ZSWIM7: variants seen among roughly 807,000 people sequenced by gnomAD.
ZSWIM7 encodes the protein zinc finger SWIM domain-containing protein 7.
Under a neutral mutation model 21.1 loss-of-function variants are expected in ZSWIM7, and 22 were observed. That is an observed-to-expected ratio of 1.04 (90% CI 0.74 to 1.49). The LOEUF is 1.49. Ranked by LOEUF, ZSWIM7 falls within the 40% of genes most tolerant of loss-of-function variation. The probability of loss-of-function intolerance (pLI) is 0.00; values close to 1 mark genes in which losing one functional copy is unlikely to be tolerated. For missense variants in ZSWIM7, 193 were observed against 168.0 expected, an observed-to-expected ratio of 1.15 and a Z score of -0.82; for synonymous variants, 67 against 66.5, an observed-to-expected ratio of 1.01 and a Z score of -0.04.
chr17:15,996,654 A>T (rs1345832315), intron 1 of ZSWIM7, among the ~76,000 whole-genome samples: 3 of 151,720 alleles, frequency 2.0e-5, no homozygotes, highest in Non-Finnish European at 4.4e-5. Context: ...ATAAGGTAGT[A>T]AGCCTGGGCA....
intron 1 of ZSWIM7, 44 bp downstream of exon 1, chr17:15,999,452 GGCCCGGCGGTGCCCGGATGCCCC>G: frequency 6.4e-7 from 1 of 1,569,002 alleles, no homozygotes; most frequent in South Asian, 1.1e-5. Context: ...CCTGCCTCCC[GGCCCGGCGGTGCCCGGATGCCCC>G]GCCCGCGCCC....
In ZSWIM7 at chr17:15,982,653, T is replaced by A. The variant is rs527316240; in HGVS notation, c.202-1509A>T. 9.2e-5 allele frequency among the ~76,000 whole-genome samples: 14 copies of A among 152,236 alleles called. No homozygotes were observed. In the South Asian group the frequency reaches 1.2e-3, roughly 14 times the overall value. ...GTACAGCTTTTATTAACATTTTTTT[T>A]TAATTTTTGTTTTTTGGAGACAGGA... On this transcript the variant is annotated intron_variant, in intron 3 of 4. Transcript: ENST00000399277.
Position 15,978,027 on chromosome 17 carries a change from TG to T in ZSWIM7, c.*19del, listed in dbSNP as rs1230548377. 2 of 1,571,276 alleles carry T rather than the reference TG, an allele frequency of 1.3e-6. No homozygotes were observed. The highest frequency in any genetic ancestry group is 1.7e-5 in the Admixed American group (1 of 59,772). On this transcript the variant is annotated 3_prime_UTR_variant, in exon 5 of 5. Transcript: ENST00000399277. Reference sequence around the variant, plus strand: ...TTGACAGGATTCTATTTTGAAAGAATGATGCTCAATCTGTACCTTTTATGCT... The same window carrying T: ...TTGACAGGATTCTATTTTGAAAGAATATGCTCAATCTGTACCTTTTATGCT...
At chr17:15,991,772 A>G (rs1970484767) in intron 2 of ZSWIM7, among the ~76,000 whole-genome samples, 1 of 152,144 alleles carries the variant, frequency 6.6e-6, no homozygotes, top group Non-Finnish European at 1.5e-5. Flanking sequence ...AGAGCTTGGT[A>G]TATATTCTTC....
intron 2 of ZSWIM7, among the ~76,000 whole-genome samples, chr17:15,993,218 G>A (rs1329474840): frequency 1.3e-5 from 2 of 151,578 alleles, no homozygotes; most frequent in East Asian, 3.9e-4. Flanking sequence ...GAGATGGGGG[G>A]TCTCCCTATT....
Position 15,991,840 on chromosome 17 carries a change from C to T in ZSWIM7, c.98+1917G>A, listed in dbSNP as rs1291793986. Among the ~76,000 whole-genome samples, 5 of 152,068 alleles carry T rather than the reference C, an allele frequency of 3.3e-5. No homozygotes were observed. The East Asian group carries it at 9.6e-4, about 29-fold the overall frequency. On this transcript the variant is annotated intron_variant, in intron 2 of 4. Transcript: ENST00000399277. ...CATCACCCAGGCTGGAGTGTAGTGG[C>T]ACAATCATAGCTCACTGCAGCCTGG... is the stretch of plus-strand genomic sequence containing the variant.
chr17:15,993,408 C>A (rs1970509711), intron 2 of ZSWIM7, among the ~76,000 whole-genome samples: 1 of 150,614 alleles, frequency 6.6e-6, no homozygotes, highest in Non-Finnish European at 1.5e-5. Context: ...CACTCTGTCC[C>A]CAGGCTGAAG....
At position 15,981,845 on chromosome 17, in the gene ZSWIM7, G is replaced by A. The variant is rs56017689; in HGVS notation, c.202-701C>T. 7.8e-3 allele frequency among the ~76,000 whole-genome samples: 1,192 copies of A among 152,302 alleles called. 13 individuals carry two copies. Among genetic ancestry groups the A allele is most frequent in the African/African-American group, 0.027 (1,143 of 41,570 alleles). The stretch of plus-strand genomic sequence containing the variant: ...AAGGGAGGACTGCTTGAGCCTGGGA[G>A]GTCAAGGCTGCAGTGAGCTGTGACT... On this transcript the variant is annotated intron_variant, in intron 3 of 4. Transcript: ENST00000399277.
At chr17:15,980,056 C>T (rs1373898321) in intron 4 of ZSWIM7, among the ~76,000 whole-genome samples, 6 of 149,372 alleles carry the variant, frequency 4.0e-5, no homozygotes, top group South Asian at 4.3e-4. Flanking sequence ...ACCTCCCTCC[C>T]GGACGGGGCG....
chr17:15,996,101 G>A (rs999491396), intron 1 of ZSWIM7, among the ~76,000 whole-genome samples: 3 of 152,006 alleles, frequency 2.0e-5, no homozygotes, highest in Admixed American at 6.6e-5. Flanking sequence ...TCAGCCGGGC[G>A]CGATGGTCAG....
At chr17:15,993,872 C>T (rs1028226820) in intron 1 of ZSWIM7, 94 bp from the exon 2 acceptor site, 18 of 902,716 alleles carry the variant, frequency 2.0e-5, no homozygotes, top group South Asian at 5.9e-5. Flanking sequence ...AAAACACTTC[C>T]GTGTGTGATG....
At chr17:15,996,873 C>T (rs1193349676) in intron 1 of ZSWIM7, among the ~76,000 whole-genome samples, 1 of 149,064 alleles carries the variant, frequency 6.7e-6, no homozygotes, top group Non-Finnish European at 1.5e-5. Flanking sequence ...AAAAATTTTA[C>T]ATGGGCCGGG....
chr17:15,981,976 T>C (rs1298008867), intron 3 of ZSWIM7, among the ~76,000 whole-genome samples: 1 of 152,110 alleles, frequency 6.6e-6, no homozygotes, highest in African/African-American at 2.4e-5. Context: ...GAAAAGCATT[T>C]GAGAGCAGAG....
rs1425755668 is a variant in ZSWIM7, at chr17:15,982,102, A to T, written c.202-958T>A. On this transcript the variant is annotated intron_variant, in intron 3 of 4. Transcript: ENST00000399277. ...ACTCATCTAGCAGGATGGAAGGAGG[A>T]CACTGATACATAGTGGGTTGATAAG... is the stretch of plus-strand genomic sequence containing the variant. Among the ~76,000 whole-genome samples, 3 of 152,132 alleles carry T rather than the reference A, an allele frequency of 2.0e-5. No homozygotes were observed. The East Asian group carries it at 5.8e-4, about 29-fold the overall frequency.
chr17:15,978,164 C>A lies in ZSWIM7; in HGVS notation c.307-1G>T. 1 of 1,612,208 alleles carries A rather than the reference C, an allele frequency of 6.2e-7. No individual in the cohort carries two copies. The highest frequency in any genetic ancestry group is 8.5e-7 in the Non-Finnish European group (1 of 1,178,278). On this transcript the variant is annotated splice_acceptor_variant, in intron 4 of 4. Coordinates refer to ENST00000399277, the MANE Select transcript of ZSWIM7 (RefSeq NM_001042697.2). LOFTEE classifies it high-confidence loss of function. ...GGTAAACTGCCAAGAGATGCTTGCACTGGAATATAAAACACACACACCTAT... is the reference window on the plus strand; with the variant it reads ...GGTAAACTGCCAAGAGATGCTTGCAATGGAATATAAAACACACACACCTAT...
chr17:15,979,784 C>T (rs1173854811), intron 4 of ZSWIM7, among the ~76,000 whole-genome samples: 8 of 131,362 alleles, frequency 6.1e-5, no homozygotes, highest in Non-Finnish European at 9.8e-5. Flanking sequence ...GGCGGCTGGC[C>T]GGGCGGGGGG....
chr17:15,984,577 T>C (rs1045772511), intron 3 of ZSWIM7, among the ~76,000 whole-genome samples: 1 of 152,230 alleles, frequency 6.6e-6, no homozygotes, highest in Non-Finnish European at 1.5e-5. Flanking sequence ...CATCCATTCA[T>C]GGGTACAGTT....
At chr17:15,993,804 A>T in intron 1 of ZSWIM7, 26 bp from the exon 2 acceptor site, 1 of 1,496,426 alleles carries the variant, frequency 6.7e-7, no homozygotes, top group South Asian at 1.1e-5. Context: ...GGAAAAAAAA[A>T]GTTAATCATA....
At chr17:15,988,894 C>T (rs945418836) in intron 2 of ZSWIM7, among the ~76,000 whole-genome samples, 1 of 152,134 alleles carries the variant, frequency 6.6e-6, no homozygotes. Flanking sequence ...GTGGCACACG[C>T]CTGTAGTCCC....
Sources: gnomAD v4.1 joint callset for allele counts (sites outside exome capture counted in the v4.1 genomes callset) on GRCh38, gnomAD v4.1.1 for gene constraint, MANE v1.5 for transcripts, NCBI Gene and HGNC (gene_info 2026-07-23, HGNC 2026-07-21) for gene names.